CPQ: variants seen among roughly 807,000 people sequenced by gnomAD.
CPQ encodes carboxypeptidase Q.
Under a neutral mutation model 45.7 loss-of-function variants are expected in CPQ, and 37 were observed. That is an observed-to-expected ratio of 0.81 (90% confidence interval 0.62 to 1.07). The LOEUF (loss-of-function observed/expected upper bound fraction) is 1.07. Ranked by LOEUF, CPQ falls within the 50% of genes least tolerant of loss-of-function variation. CPQ has a pLI of 0.00. For missense variants in CPQ, 537 were observed against 572.9 expected (o/e 0.94, Z 0.64); for synonymous variants, 186 against 205.8 (o/e 0.90, Z 0.82).
chr8:96,655,757 T>C (rs1024479683), intron 1 of CPQ, among the ~76,000 whole-genome samples: 8 of 152,232 alleles, frequency 5.3e-5, no homozygotes, highest in African/African-American at 1.9e-4. Flanking sequence ...AGATGCTCCT[T>C]GACTTACAAT....
In CPQ at chr8:97,125,437, A is replaced by G. The variant is rs75763777; in HGVS notation, c.1256-17583A>G. Among the ~76,000 whole-genome samples, 838 of 152,308 alleles carry G rather than the reference A, an allele frequency of 5.5e-3. 14 individuals carry two copies. Among genetic ancestry groups the G allele is most frequent in the African/African-American group, 0.019 (793 of 41,568 alleles). On this transcript the variant is annotated intron_variant, in intron 7 of 7. Coordinates refer to ENST00000220763, the MANE Select transcript of CPQ (RefSeq NM_016134.4). ...TCAAAACCAAAGATATGGTAAGAAA[A>G]CTATAGACCAATATCCTTCATAAAT...
At chr8:96,752,735 G>T (rs934377254) in intron 1 of CPQ, among the ~76,000 whole-genome samples, 6 of 152,060 alleles carry the variant, frequency 3.9e-5, no homozygotes, top group African/African-American at 1.4e-4. Flanking sequence ...TTCAGCTTTT[G>T]CCCACTCAGT....
At chr8:96,719,787 A>G (rs1022550594) in intron 1 of CPQ, among the ~76,000 whole-genome samples, 3 of 152,052 alleles carry the variant, frequency 2.0e-5, no homozygotes, top group Non-Finnish European at 4.4e-5. Flanking sequence ...ACTCTTTCTC[A>G]TATACTCCCT....
chr8:96,789,078 G>T (rs1586401484), intron 2 of CPQ, among the ~76,000 whole-genome samples: 2 of 151,648 alleles, frequency 1.3e-5, no homozygotes, highest in Non-Finnish European at 2.9e-5. Context: ...GTTTCTTTTA[G>T]TTCCTTGAAT....
At chr8:96,910,497 A>G (rs1812644554) in intron 4 of CPQ, among the ~76,000 whole-genome samples, 1 of 152,112 alleles carries the variant, frequency 6.6e-6, no homozygotes, top group Non-Finnish European at 1.5e-5. Context: ...AAATAGTGTT[A>G]TAATCTTTTT....
chr8:96,699,993 C>T (rs142970458), intron 1 of CPQ, among the ~76,000 whole-genome samples: 132 of 152,300 alleles, frequency 8.7e-4, no homozygotes, highest in African/African-American at 3.1e-3. Flanking sequence ...TTCCTGCCTA[C>T]TTCAAAGCCC....
Position 96,767,000 on chromosome 8 carries a change from T to A in CPQ, c.-34-17864T>A, listed in dbSNP as rs184520067. Among the ~76,000 whole-genome samples the A allele has an allele frequency of 5.3e-5, 8 of 152,154 alleles. No individual in the cohort carries two copies. In the South Asian group the frequency reaches 6.2e-4, roughly 12 times the overall value. On this transcript the variant is annotated intron_variant, in intron 1 of 7. Transcript: ENST00000220763. The stretch of plus-strand genomic sequence containing the variant: ...TTGCAAATCCACCTAACCGTCAGAA[T>A]TTTTTCCTGCACAGCTGTCACAACA...
chr8:96,805,490 G>A (rs1811068271), intron 2 of CPQ, among the ~76,000 whole-genome samples: 1 of 152,144 alleles, frequency 6.6e-6, no homozygotes, highest in African/African-American at 2.4e-5. Context: ...CTACTTCACA[G>A]GTTTGGAGTC....
chr8:96,794,797 C>A (rs557825866), intron 2 of CPQ, among the ~76,000 whole-genome samples: 1 of 152,164 alleles, frequency 6.6e-6, no homozygotes, highest in Non-Finnish European at 1.5e-5. Flanking sequence ...CAAAGTTCCA[C>A]AAATTGCTAG....
rs530167950 is a variant in CPQ, at chr8:96,836,271, T to G, written c.641+1091T>G. 6.6e-5 allele frequency among the ~76,000 whole-genome samples: 10 copies of G among 152,130 alleles called. No individual in the cohort carries two copies. The South Asian group carries it at 2.1e-3, about 32-fold the overall frequency. ...CACCCTACACCCCTGAAAATAAAAA[T>G]AACTGGGGAACATATGTCAGCAGCT... On this transcript the variant is annotated intron_variant, in intron 3 of 7. Transcript: ENST00000220763.
chr8:96,659,808 G>A (rs540493523), intron 1 of CPQ, among the ~76,000 whole-genome samples: 10 of 152,172 alleles, frequency 6.6e-5, no homozygotes, highest in African/African-American at 1.7e-4. Flanking sequence ...TTAGTAAGTC[G>A]CCAAGGGCTG....
intron 6 of CPQ, among the ~76,000 whole-genome samples, chr8:97,053,041 A>C (rs1186294696): frequency 9.9e-5 from 15 of 152,200 alleles, no homozygotes. Flanking sequence ...AACATGAGTA[A>C]CCACATCATC....
intron 4 of CPQ, among the ~76,000 whole-genome samples, chr8:96,929,036 C>T (rs988908761): frequency 3.3e-5 from 5 of 152,144 alleles, no homozygotes; most frequent in South Asian, 2.1e-4. Context: ...CCCCAGCCAA[C>T]GTCTATTTTG....
chr8:96,778,459 A>T (rs1000708508), intron 1 of CPQ, among the ~76,000 whole-genome samples: 4 of 152,122 alleles, frequency 2.6e-5, no homozygotes, highest in Non-Finnish European at 4.4e-5. Flanking sequence ...GTCAACTAAC[A>T]CCTATTTATT....
intron 5 of CPQ, among the ~76,000 whole-genome samples, chr8:97,002,857 G>A (rs1195231589): frequency 6.6e-6 from 1 of 151,940 alleles, no homozygotes; most frequent in African/African-American, 2.4e-5. Flanking sequence ...TTGTCAGTGG[G>A]GTATTAAACT....
chr8:97,069,070 T>C (rs1301338096), intron 7 of CPQ, among the ~76,000 whole-genome samples: 1 of 152,246 alleles, frequency 6.6e-6, no homozygotes, highest in Non-Finnish European at 1.5e-5. Flanking sequence ...TGTAAATAAC[T>C]ACTTATATCT....
chr8:96,651,618 A>T (rs1815577229), intron 1 of CPQ, among the ~76,000 whole-genome samples: 1 of 152,194 alleles, frequency 6.6e-6, no homozygotes, highest in South Asian at 2.1e-4. Context: ...TCAAATGGTA[A>T]TACACAAGAT....
At chr8:97,085,278 G>C (rs1389012263) in intron 7 of CPQ, among the ~76,000 whole-genome samples, 2 of 151,960 alleles carry the variant, frequency 1.3e-5, no homozygotes, top group East Asian at 3.9e-4. Flanking sequence ...TAACTACTTG[G>C]GAGGCTGAGG....
chr8:96,906,506 CCTGT>C (rs1473622537), intron 4 of CPQ, among the ~76,000 whole-genome samples: 4 of 152,016 alleles, frequency 2.6e-5, no homozygotes, highest in Admixed American at 1.3e-4. Flanking sequence ...TGTGTAGGAG[CCTGT>C]CTTAGTCCAT....
Sources: allele counts gnomAD v4.1 joint callset (sites outside exome capture counted in the v4.1 genomes callset), GRCh38; gene constraint gnomAD v4.1.1; transcripts MANE v1.5; gene names NCBI Gene and HGNC (gene_info 2026-07-23, HGNC 2026-07-21).